KCNK13: variants seen among roughly 807,000 people sequenced by gnomAD.
The protein encoded by KCNK13 is potassium channel subfamily K member 13.
KCNK13 carries 12 observed loss-of-function variants against 23.4 expected under a neutral mutation model. The ratio of observed to expected loss-of-function variants is 0.51; its 90% CI spans 0.33 to 0.83. The LOEUF is 0.83. Among genes scored for constraint, KCNK13 ranks in the 40% least tolerant of loss-of-function variants. The probability of loss-of-function intolerance (pLI) is 0.02; values close to 1 mark genes in which losing one functional copy is unlikely to be tolerated. For synonymous variants in KCNK13, 231 were observed against 229.5 expected, an observed-to-expected ratio of 1.01 and a Z score of -0.06; for missense variants, 463 against 556.3, an observed-to-expected ratio of 0.83 and a Z score of 1.69.
chr14:90,108,843 A>C (rs997662591), intron 1 of KCNK13, among the ~76,000 whole-genome samples: 3 of 152,176 alleles, frequency 2.0e-5, no homozygotes, highest in African/African-American at 7.2e-5. Flanking sequence ...CCCTACCCTA[A>C]GAGTGTATCT....
chr14:90,107,861 C>T, intron 1 of KCNK13: 4 of 832,198 alleles, frequency 4.8e-6, no homozygotes, highest in Middle Eastern at 2.3e-4. Context: ...TTATTTGGAA[C>T]AGCTCACGGG....
At chr14:90,098,951 G>T (rs1357795372) in intron 1 of KCNK13, among the ~76,000 whole-genome samples, 3 of 151,998 alleles carry the variant, frequency 2.0e-5, no homozygotes, top group East Asian at 1.9e-4. Context: ...GATGGCAGGT[G>T]CCTGTATTCC....
rs1180884732 is a variant in KCNK13, at chr14:90,107,821, A to G, written c.334+45282A>G. Reference sequence around the variant, plus strand: ...GGCTTCTGGAATTTGTCGAGATCACAACCACCAACCACACTAACAAGATTC... The same window carrying G: ...GGCTTCTGGAATTTGTCGAGATCACGACCACCAACCACACTAACAAGATTC... On this transcript the variant is annotated intron_variant, in intron 1 of 1. Transcript: ENST00000282146. 3 of 865,470 alleles carry G rather than the reference A, an allele frequency of 3.5e-6. No individual in the cohort carries two copies. The African/African-American group carries it at 4.9e-5, about 14-fold the overall frequency. The allele number at this position is 865,470 out of a possible 1,614,324, so 53.6% of individuals were successfully genotyped here.
At chr14:90,172,982 A>C (rs2140444588) in intron 1 of KCNK13, among the ~76,000 whole-genome samples, 1 of 152,344 alleles carries the variant, frequency 6.6e-6, no homozygotes, top group Non-Finnish European at 1.5e-5. Flanking sequence ...CCCCCTTCCA[A>C]GCCTCACTCA....
intron 1 of KCNK13, among the ~76,000 whole-genome samples, chr14:90,126,977 C>T (rs1377741325): frequency 6.6e-6 from 1 of 152,062 alleles, no homozygotes; most frequent in African/African-American, 2.4e-5. Flanking sequence ...CCAGCAGAGT[C>T]TAAGGAGACA....
chr14:90,071,913 G>C (rs1889080135), intron 1 of KCNK13, among the ~76,000 whole-genome samples: 1 of 151,802 alleles, frequency 6.6e-6, no homozygotes, highest in Non-Finnish European at 1.5e-5. Context: ...AAAAAAAGAG[G>C]GAAGGAGAGA....
At chr14:90,141,491 C>T (rs1472622110) in intron 1 of KCNK13, among the ~76,000 whole-genome samples, 1 of 151,784 alleles carries the variant, frequency 6.6e-6, no homozygotes, top group Non-Finnish European at 1.5e-5. Flanking sequence ...GAGTTTCGCT[C>T]TCGTTGCCCA....
chr14:90,067,017 T>C (rs573881833), intron 1 of KCNK13, among the ~76,000 whole-genome samples: 1 of 152,322 alleles, frequency 6.6e-6, no homozygotes, highest in African/African-American at 2.4e-5. Flanking sequence ...ATGCCTGTAA[T>C]CCCAACACTT....
intron 1 of KCNK13, among the ~76,000 whole-genome samples, chr14:90,141,432 T>A (rs1361310432): frequency 1.3e-5 from 2 of 152,170 alleles, no homozygotes; most frequent in African/African-American, 4.8e-5. Flanking sequence ...CCAAGCATCC[T>A]TATGCCCTCT....
rs542049773 is a variant in KCNK13, at chr14:90,173,001, A to C, written c.335-11110A>C. Among the ~76,000 whole-genome samples, 3 of 152,336 alleles carry C rather than the reference A, an allele frequency of 2.0e-5. No individual in the cohort carries two copies. In the South Asian group the frequency reaches 6.2e-4, roughly 32 times the overall value. On this transcript the variant is annotated intron_variant, in intron 1 of 1. Coordinates refer to ENST00000282146, the MANE Select transcript of KCNK13 (RefSeq NM_022054.4). ...CTTCCAAGCCTCACTCAAGGCCTAG[A>C]GCTTCAATATTTCTATGTCACCTAG...
chr14:90,105,133 A>G (rs1274912356), intron 1 of KCNK13, among the ~76,000 whole-genome samples: 2 of 152,128 alleles, frequency 1.3e-5, no homozygotes, highest in Non-Finnish European at 2.9e-5. Context: ...TAAATGGGTT[A>G]CATAAATAGG....
intron 1 of KCNK13, among the ~76,000 whole-genome samples, chr14:90,147,933 G>A (rs1027432307): frequency 3.3e-5 from 5 of 152,174 alleles, no homozygotes; most frequent in Non-Finnish European, 7.4e-5. Flanking sequence ...CACTTTGGGA[G>A]GCTGAGATGG....
chr14:90,064,416 A>G (rs1888984073), intron 1 of KCNK13, among the ~76,000 whole-genome samples: 1 of 152,158 alleles, frequency 6.6e-6, no homozygotes. Flanking sequence ...TGAGAGTGGC[A>G]TGGGTAGGTG....
chr14:90,087,497 G>T (rs899130099), intron 1 of KCNK13, among the ~76,000 whole-genome samples: 9 of 152,128 alleles, frequency 5.9e-5, no homozygotes, highest in African/African-American at 2.2e-4. Flanking sequence ...CCAGACCAAG[G>T]TTAGGCTAGT....
intron 1 of KCNK13, among the ~76,000 whole-genome samples, chr14:90,111,194 G>A (rs1176880610): frequency 1.3e-5 from 2 of 152,102 alleles, no homozygotes; most frequent in Non-Finnish European, 2.9e-5. Context: ...CAAAGCTCTA[G>A]TTCTCCGTCC....
chr14:90,167,781 C>T (rs1890321015), intron 1 of KCNK13, among the ~76,000 whole-genome samples: 1 of 152,144 alleles, frequency 6.6e-6, no homozygotes, highest in South Asian at 2.1e-4. Flanking sequence ...CCACCCCCTG[C>T]CAATAATCCC....
At chr14:90,079,078 G>C (rs555432618) in intron 1 of KCNK13, among the ~76,000 whole-genome samples, 1 of 152,312 alleles carries the variant, frequency 6.6e-6, no homozygotes, top group South Asian at 2.1e-4. Context: ...AGTCAACCAG[G>C]AGTTGGGCCT....
intron 1 of KCNK13, among the ~76,000 whole-genome samples, chr14:90,069,030 C>A (rs146464088): frequency 1.1e-5 from 1 of 90,096 alleles, no homozygotes; most frequent in Non-Finnish European, 2.1e-5. Context: ...AGTTTTTATT[C>A]TTTTTTTTTT....
intron 1 of KCNK13, among the ~76,000 whole-genome samples, chr14:90,119,947 G>T (rs542561246): frequency 6.6e-6 from 1 of 152,130 alleles, no homozygotes; most frequent in African/African-American, 2.4e-5. Context: ...AGGGGTACAT[G>T]TGCAGGTTTG....
Sources: gnomAD v4.1 joint callset for allele counts (sites outside exome capture counted in the v4.1 genomes callset) on GRCh38, gnomAD v4.1.1 for gene constraint, MANE v1.5 for transcripts, NCBI Gene and HGNC (gene_info 2026-07-23, HGNC 2026-07-21) for gene names.